The following SV2C variants were observed in gnomAD, a reference collection of about 807,000 sequenced individuals.
The protein encoded by SV2C is synaptic vesicle glycoprotein 2C, also known as solute carrier family 22 member B3.
Under a neutral mutation model 79.7 loss-of-function variants are expected in SV2C, and 49 were observed. The observed-to-expected ratio is 0.61, with a 90% CI of 0.49 to 0.78. The LOEUF is 0.78. SV2C is among the 30% of genes least tolerant of loss of function. The pLI is 0.00. For synonymous variants in SV2C, 334 were observed against 333.2 expected, an observed-to-expected ratio of 1.00 and a Z score of -0.03; for missense variants, 833 against 912.9, an observed-to-expected ratio of 0.91 and a Z score of 1.13.
the SV2C span, among the ~76,000 whole-genome samples, chr5:75,955,034 G>GA: frequency 5.5e-5 from 8 of 145,312 alleles, no homozygotes; most frequent in South Asian, 1.5e-3. Context: ...CACAGAATTG[G>GA]AAAAAACTAC....
chr5:75,948,543 A>G, the SV2C span, among the ~76,000 whole-genome samples: 1 of 151,984 alleles, frequency 6.6e-6, no homozygotes, highest in South Asian at 2.1e-4. Context: ...ACAAAGCAGG[A>G]TAAAGAAATA....
intron 1 of SV2C, among the ~76,000 whole-genome samples, chr5:76,108,886 G>A (rs1338418443): frequency 6.6e-6 from 1 of 152,168 alleles, no homozygotes; most frequent in African/African-American, 2.4e-5. Context: ...GCTATCTGCT[G>A]GTGGTGTTTT....
At chr5:76,280,371 C>G (rs1394546690) in intron 4 of SV2C, among the ~76,000 whole-genome samples, 1 of 152,060 alleles carries the variant, frequency 6.6e-6, no homozygotes, top group Admixed American at 6.5e-5. Context: ...AGAATCTACA[C>G]CTGAAGAAAC....
chr5:76,123,793 A>G (rs1263556461), intron 1 of SV2C, among the ~76,000 whole-genome samples: 1 of 152,228 alleles, frequency 6.6e-6, no homozygotes, highest in Non-Finnish European at 1.5e-5. Context: ...ACTACTATGG[A>G]AGATATGCTC....
intron 2 of SV2C, among the ~76,000 whole-genome samples, chr5:76,148,068 T>C (rs1749493610): frequency 6.6e-6 from 1 of 152,200 alleles, no homozygotes; most frequent in African/African-American, 2.4e-5. Context: ...ATATATTAAA[T>C]AAGAGCAAAT....
chr5:76,030,279 T>TG, the SV2C span, among the ~76,000 whole-genome samples: 30 of 112,406 alleles, frequency 2.7e-4, 2 homozygotes, highest in African/African-American at 1.3e-3. Flanking sequence ...TTTTTTTTTT[T>TG]TTTTTTTTTT....
chr5:75,955,590 C>T, the SV2C span, among the ~76,000 whole-genome samples: 14 of 145,404 alleles, frequency 9.6e-5, no homozygotes, highest in Non-Finnish European at 1.4e-4. Flanking sequence ...AAAGAAACTA[C>T]CATCAGAGTG....
At chr5:76,261,491 C>T (rs544096498) in intron 4 of SV2C, among the ~76,000 whole-genome samples, 29 of 152,134 alleles carry the variant, frequency 1.9e-4, no homozygotes, top group African/African-American at 6.0e-4. Context: ...TGAATAGGAG[C>T]GGTGAGAAAG....
chr5:76,003,351 A>G, the SV2C span, among the ~76,000 whole-genome samples: 3 of 152,318 alleles, frequency 2.0e-5, no homozygotes, highest in East Asian at 5.8e-4. Flanking sequence ...TATTGTTTAC[A>G]TATGACAGCA....
chr5:76,084,815 C>A (rs1176957626), intron 1 of SV2C, among the ~76,000 whole-genome samples: 1 of 150,208 alleles, frequency 6.7e-6, no homozygotes, highest in Non-Finnish European at 1.5e-5. Context: ...GGCGACCCGG[C>A]GGGGCAGAGG....
the SV2C span, among the ~76,000 whole-genome samples, chr5:76,069,519 C>T: frequency 6.6e-6 from 1 of 152,202 alleles, no homozygotes; most frequent in East Asian, 1.9e-4. Context: ...TCCCTGTGGT[C>T]CTGGTGAGTA....
intron 4 of SV2C, among the ~76,000 whole-genome samples, chr5:76,237,805 C>T (rs1745655767): frequency 6.6e-6 from 1 of 152,042 alleles, no homozygotes; most frequent in Non-Finnish European, 1.5e-5. Context: ...CTTTATGATT[C>T]CCTTGGCTTT....
chr5:76,298,759 AT>A, intron 9 of SV2C, 34 bp from the exon 10 acceptor site: 1 of 1,608,732 alleles, frequency 6.2e-7, no homozygotes, highest in Non-Finnish European at 8.5e-7. Flanking sequence ...GGACACAGTC[AT>A]TGATTGATAT....
chr5:76,339,530 A>C (rs192446469), intron 12 of SV2C, among the ~76,000 whole-genome samples: 2,565 of 152,070 alleles, frequency 0.017, 46 homozygotes, highest in Non-Finnish European at 0.022. Flanking sequence ...CTGGCTAACA[A>C]GGTGAAACTC....
the SV2C span, among the ~76,000 whole-genome samples, chr5:76,020,422 C>G: frequency 4.6e-5 from 7 of 152,282 alleles, no homozygotes; most frequent in East Asian, 1.4e-3. Context: ...CCGTGCTCTA[C>G]TATTGTAGAG....
chr5:76,185,993 C>G (rs1161753030), intron 2 of SV2C, among the ~76,000 whole-genome samples: 1 of 152,166 alleles, frequency 6.6e-6, no homozygotes, highest in African/African-American at 2.4e-5. Context: ...CCACCAGATA[C>G]CCTAAATCAT....
At chr5:76,043,079 T>C in the SV2C span, among the ~76,000 whole-genome samples, 1 of 152,198 alleles carries the variant, frequency 6.6e-6, no homozygotes, top group Admixed American at 6.5e-5. Flanking sequence ...GCCAATTGTT[T>C]TGTTAGAAAC....
chr5:76,027,489 CATTT>C, the SV2C span, among the ~76,000 whole-genome samples: 62,986 of 151,650 alleles, frequency 0.42, 15,108 homozygotes, highest in Middle Eastern at 0.58. Flanking sequence ...TTTCTTGAAA[CATTT>C]ATTTATTTAC....
chr5:76,289,098 G>C (rs998151370), intron 6 of SV2C, among the ~76,000 whole-genome samples: 1 of 151,992 alleles, frequency 6.6e-6, no homozygotes, highest in African/African-American at 2.4e-5. Context: ...TGTTGTCCAG[G>C]CTGGTCTCAA....
Sources: gnomAD v4.1 joint callset for allele counts (sites outside exome capture counted in the v4.1 genomes callset) on GRCh38, gnomAD v4.1.1 for gene constraint, MANE v1.5 for transcripts, NCBI Gene and HGNC (gene_info 2026-07-23, HGNC 2026-07-21) for gene names.